The following CEP350 variants were observed in gnomAD, a reference collection of about 807,000 sequenced individuals.
CEP350 encodes the protein centrosome-associated protein 350.
Under a neutral mutation model 331.8 loss-of-function variants are expected in CEP350, and 126 were observed. The observed-to-expected ratio is 0.38, with a 90% CI of 0.33 to 0.44. The LOEUF is 0.44. CEP350 is among the 20% of genes least tolerant of loss of function. The pLI, the probability that CEP350 is intolerant of heterozygous loss-of-function variation, is 1.00. For missense variants in CEP350, 3,406 were observed against 3,634.6 expected (o/e 0.94, Z 1.62); for synonymous variants, 1,200 against 1,259.5 (o/e 0.95, Z 1.00).
At chr1:180,092,046 C>CA (rs36052056) in intron 33 of CEP350, among the ~76,000 whole-genome samples, 104,970 of 148,556 alleles carry the variant, frequency 0.71, 38,039 homozygotes, top group South Asian at 0.79. Flanking sequence ...CTTGCTCTTA[C>CA]AAAAAAAAAA....
rs1415842647 is a variant in CEP350 at position 180,063,551 on chromosome 1, C to T, written c.5409+1185C>T. On this transcript the variant is annotated intron_variant, in intron 26 of 37. Coordinates refer to ENST00000367607, the MANE Select transcript of CEP350 (RefSeq NM_014810.5). Reference sequence around the variant, plus strand: ...AGGGCTGGGTGCCGTAACTCAAACACCTGTAATCCCAACACTTTGGGAGGC... The same window carrying T: ...AGGGCTGGGTGCCGTAACTCAAACATCTGTAATCCCAACACTTTGGGAGGC... Among the ~76,000 whole-genome samples, 3 of 152,130 alleles carry T rather than the reference C, an allele frequency of 2.0e-5. No individual in the cohort carries two copies. In the South Asian group the frequency reaches 6.2e-4, roughly 32 times the overall value.
At chr1:180,103,131 T>C (rs1660922360) in intron 37 of CEP350, among the ~76,000 whole-genome samples, 1 of 152,208 alleles carries the variant, frequency 6.6e-6, no homozygotes, top group South Asian at 2.1e-4. Context: ...AGGTGTGATG[T>C]TTACTGGTGT....
intron 10 of CEP350, among the ~76,000 whole-genome samples, chr1:180,014,997 T>C (rs1031551415): frequency 3.5e-5 from 5 of 143,274 alleles, no homozygotes; most frequent in African/African-American, 1.3e-4. Flanking sequence ...AAAGAAAATA[T>C]TATTAAGAAA....
At chr1:180,043,411 A>G (rs1656899163) in intron 20 of CEP350, among the ~76,000 whole-genome samples, 1 of 152,194 alleles carries the variant, frequency 6.6e-6, no homozygotes. Flanking sequence ...AAGGGAACAC[A>G]TGTCTCAGAG....
chr1:180,113,330 A>G lies in CEP350; in HGVS notation c.*2169A>G, dbSNP rs1661542339. 6.6e-6 allele frequency: 1 copy of G among 152,120 alleles called. No individual in the cohort carries two copies. Among genetic ancestry groups the G allele is most frequent in the South Asian group, 2.1e-4 (1 of 4,818 alleles). The allele number at this position is 152,120 out of a possible 1,614,324, so 9.4% of individuals were successfully genotyped here. ...ATCTTCATTATTTGGACCTAAAACC[A>G]GTTTTTAATAAGAAAGTTTATCTTT... On this transcript the variant is annotated 3_prime_UTR_variant, in exon 38 of 38. Coordinates refer to ENST00000367607, the MANE Select transcript of CEP350 (RefSeq NM_014810.5).
At position 180,095,617 on chromosome 1, in the gene CEP350, A is replaced by G. The variant is rs1180593960; in HGVS notation, c.8606A>G (p.Asp2869Gly). The G allele has an allele frequency of 2.5e-6, 4 of 1,613,952 alleles. No homozygotes were observed. In the South Asian group the frequency reaches 3.3e-5, roughly 13 times the overall value. The change falls in exon 35 of 38, where the codon GAT (aspartate) becomes GGT (glycine). Residue 2869 changes from aspartate to glycine, a missense_variant. Asp to Gly is a moderately conservative substitution (Grantham distance 94). This residue lies in a region of CEP350 where 1,415 missense variants were observed against 1,512.3 expected (regional missense o/e 0.94). Coordinates refer to ENST00000367607, the MANE Select transcript of CEP350 (RefSeq NM_014810.5). ...CGGGAGTTCCTGAGCGCGTTAGGAG[A>G]TGATCAAGACTGGTTTGATGAAGAC... is the stretch of plus-strand genomic sequence containing the variant. The part of the protein sequence containing the change: ...LSREFLSALG[D>G]DQDWFDEDFG...
At chr1:179,965,475 T>C (rs753994555) in intron 1 of CEP350, among the ~76,000 whole-genome samples, 6 of 152,168 alleles carry the variant, frequency 3.9e-5, no homozygotes, top group South Asian at 2.1e-4. Context: ...CTGTTTCTAA[T>C]GTATATAGGC....
At chr1:179,985,051 G>A (rs190979602) in intron 1 of CEP350, among the ~76,000 whole-genome samples, 1 of 152,146 alleles carries the variant, frequency 6.6e-6, no homozygotes, top group East Asian at 1.9e-4. Flanking sequence ...GTACAGTTCA[G>A]TGGTGTTAAG....
At chr1:180,051,227 C>T (rs894207533) in intron 22 of CEP350, among the ~76,000 whole-genome samples, 1 of 152,156 alleles carries the variant, frequency 6.6e-6, no homozygotes, top group African/African-American at 2.4e-5. Flanking sequence ...ATTCATGTAG[C>T]AACATGAACG....
At chr1:180,008,826 A>C (rs753560706) in intron 8 of CEP350, among the ~76,000 whole-genome samples, 1 of 152,164 alleles carries the variant, frequency 6.6e-6, no homozygotes, top group Non-Finnish European at 1.5e-5. Flanking sequence ...GGCAAAACTG[A>C]TGGGGTACTG....
rs1219323441 is a variant in CEP350, at chr1:180,062,355, G to T, written c.5398G>T (p.Glu1800Ter). The change falls in exon 26 of 38, where the codon GAG becomes TAG. Residue 1800 changes from glutamate (E) to a stop codon, truncating the protein, a stop_gained. Coordinates refer to ENST00000367607, the MANE Select transcript of CEP350 (RefSeq NM_014810.5). LOFTEE classifies it high-confidence loss of function. ...ACAGGAGAAATTGAAGTCTGCAGGG[G>T]AGAGTAAATTGGTAAACTACATGAA... is the stretch of plus-strand genomic sequence containing the variant. ...KLQEKLKSAG[E>*]SKLDSHSDDD... The T allele has an allele frequency of 6.3e-7, 1 of 1,598,852 alleles. No individual in the cohort carries two copies. The highest frequency in any genetic ancestry group is 1.7e-5 in the Admixed American group (1 of 57,738).
rs75494300 is a variant in CEP350 at position 179,970,256 on chromosome 1, G to A, written c.-14+15114G>A. ...TTACATAGTATCTTCTGGATTTCCT[G>A]GATTACAGTAAGTCACTCAGTTTTT... On this transcript the variant is annotated intron_variant, in intron 1 of 37. Transcript: ENST00000367607. 4.2e-3 allele frequency among the ~76,000 whole-genome samples: 645 copies of A among 152,190 alleles called. 5 individuals carry two copies. The highest frequency in any genetic ancestry group is 0.015 in the African/African-American group (614 of 41,486).
At chr1:180,062,896 C>A (rs970373251) in intron 26 of CEP350, among the ~76,000 whole-genome samples, 5 of 152,188 alleles carry the variant, frequency 3.3e-5, no homozygotes, top group Non-Finnish European at 5.9e-5. Context: ...ACATTCAAAC[C>A]GTAGCAATGC....
At chr1:180,070,118 A>G (rs1239051042) in intron 27 of CEP350, among the ~76,000 whole-genome samples, 2 of 152,208 alleles carry the variant, frequency 1.3e-5, no homozygotes, top group African/African-American at 4.8e-5. Context: ...ACAACTTTAC[A>G]TGCAATTCCA....
chr1:179,955,169 A>G (rs980071742), intron 1 of CEP350, 27 bp downstream of exon 1: 1 of 1,392,018 alleles, frequency 7.2e-7, no homozygotes, highest in East Asian at 3.6e-5. Flanking sequence ...CCTGGCTGGG[A>G]CCGCGGAGTC....
chr1:180,040,419 T>TA (rs1230081759), intron 17 of CEP350, among the ~76,000 whole-genome samples: 2 of 152,014 alleles, frequency 1.3e-5, no homozygotes. Context: ...CATACAGCCT[T>TA]ACCACCATTT....
At chr1:180,000,183 A>G (rs1372036986) in intron 6 of CEP350, among the ~76,000 whole-genome samples, 2 of 152,230 alleles carry the variant, frequency 1.3e-5, no homozygotes, top group Non-Finnish European at 2.9e-5. Flanking sequence ...CTTAAAGTTA[A>G]CATATAAGAT....
Position 179,965,615 on chromosome 1 carries a change from C to CTTTTT in CEP350, c.-14+10491_-14+10495dup, listed in dbSNP as rs747027286. On this transcript the variant is annotated intron_variant, in intron 1 of 37. Coordinates refer to ENST00000367607, the MANE Select transcript of CEP350 (RefSeq NM_014810.5). ...AAGTGATCTTTTTTCTTTTTCTTTT[C>CTTTTT]TTTTTTTTTTTTTTTTTTTTTTGAG... 8.3e-3 allele frequency among the ~76,000 whole-genome samples: 697 copies of CTTTTT among 84,278 alleles called. 1 individual carries two copies. The highest frequency in any genetic ancestry group is 0.015 in the African/African-American group (318 of 21,286). The allele number at this position is 84,278 out of a possible 152,430, so 55.3% of individuals were successfully genotyped here.
Position 179,955,140 on chromosome 1 carries a change from C to T in CEP350, c.-16C>T. The T allele has an allele frequency of 1.4e-6, 2 of 1,458,984 alleles. No individual in the cohort carries two copies. The highest frequency in any genetic ancestry group is 1.5e-5 in the African/African-American group (1 of 68,498). The allele number at this position is 1,458,984 out of a possible 1,614,324, so 90.4% of individuals were successfully genotyped here. On this transcript the variant is annotated splice_region_variant and 5_prime_UTR_variant, in exon 1 of 38. It introduces an in-frame stop codon into an upstream open reading frame of the 5' UTR. Transcript: ENST00000367607. ...TAGCCGAGGGCGGAGGCGACACTCTCAGGTGAGCTCCTGTAGGACCTGGCT... is the reference window on the plus strand; with the variant it reads ...TAGCCGAGGGCGGAGGCGACACTCTTAGGTGAGCTCCTGTAGGACCTGGCT...
Sources: gnomAD v4.1 joint callset for allele counts (sites outside exome capture counted in the v4.1 genomes callset) on GRCh38, gnomAD v4.1.1 for gene constraint, gnomAD v4.1.1 regional missense constraint, MANE v1.5 for transcripts, NCBI Gene and HGNC (gene_info 2026-07-23, HGNC 2026-07-21) for gene names.